TMPRSS11E: variants seen among roughly 807,000 people sequenced by gnomAD.
TMPRSS11E encodes transmembrane serine protease 11E, also known as transmembrane protease serine 11E.
TMPRSS11E carries 38 observed loss-of-function variants against 48.1 expected under a neutral mutation model. The ratio of observed to expected loss-of-function variants is 0.79; its 90% CI spans 0.61 to 1.04. The LOEUF is 1.04. Ranked by LOEUF, TMPRSS11E falls within the 50% of genes least tolerant of loss-of-function variation. The probability of loss-of-function intolerance (pLI) is 0.00; values close to 1 mark genes in which losing one functional copy is unlikely to be tolerated. For synonymous variants in TMPRSS11E, 158 were observed against 171.9 expected, an observed-to-expected ratio of 0.92 and a Z score of 0.63; for missense variants, 530 against 510.8, an observed-to-expected ratio of 1.04 and a Z score of -0.36.
At chr4:68,487,498 C>T (rs1729591700) in intron 9 of TMPRSS11E, among the ~76,000 whole-genome samples, 2 of 151,974 alleles carry the variant, frequency 1.3e-5, no homozygotes, top group South Asian at 4.2e-4. Flanking sequence ...GTGATCTGCC[C>T]ACCTCGGCCT....
chr4:68,465,911 T>A lies in TMPRSS11E; in HGVS notation c.137-720T>A, dbSNP rs568389324. On this transcript the variant is annotated intron_variant, in intron 2 of 9. Transcript: ENST00000305363. ...ACTGGAGGGTAGAGGAAAAGTTATATCACATTAACTTTTCAGCAGGTCAAA... is the reference window on the plus strand; with the variant it reads ...ACTGGAGGGTAGAGGAAAAGTTATAACACATTAACTTTTCAGCAGGTCAAA... Among the ~76,000 whole-genome samples the A allele has an allele frequency of 4.6e-5, 7 of 152,300 alleles. No homozygotes were observed. In the South Asian group the frequency reaches 1.2e-3, roughly 27 times the overall value.
At chr4:68,473,501 C>T (rs1292915268) in intron 5 of TMPRSS11E, among the ~76,000 whole-genome samples, 1 of 152,104 alleles carries the variant, frequency 6.6e-6, no homozygotes, top group African/African-American at 2.4e-5. Flanking sequence ...ATGATATATG[C>T]AAATGGAGTG....
At chr4:68,464,124 T>C (rs1450707136) in intron 2 of TMPRSS11E, among the ~76,000 whole-genome samples, 2 of 152,184 alleles carry the variant, frequency 1.3e-5, no homozygotes, top group Admixed American at 1.3e-4. Context: ...TAAACAGTGA[T>C]TGTTGTGATG....
chr4:68,495,360 C>T (rs1729836908), intron 9 of TMPRSS11E, among the ~76,000 whole-genome samples: 2 of 151,982 alleles, frequency 1.3e-5, no homozygotes, highest in African/African-American at 2.4e-5. Context: ...TTTGTTTTCT[C>T]TTGTATCTTC....
At chr4:68,492,319 GATC>G (rs761389839) in intron 9 of TMPRSS11E, among the ~76,000 whole-genome samples, 43 of 152,278 alleles carry the variant, frequency 2.8e-4, no homozygotes, top group Admixed American at 1.7e-3. Context: ...GCACTTTTAT[GATC>G]ATTCACAAGC....
Position 68,476,276 on chromosome 4 carries a change from GA to G in TMPRSS11E, c.547del (p.Ser183ValfsTer4). 6.2e-7 allele frequency: 1 copy of G among 1,614,098 alleles called. No individual in the cohort carries two copies. The highest frequency in any genetic ancestry group is 8.5e-7 in the Non-Finnish European group (1 of 1,179,992). On this transcript the variant is annotated frameshift_variant, in exon 7 of 10. Coordinates refer to ENST00000305363, the MANE Select transcript of TMPRSS11E (RefSeq NM_014058.4). LOFTEE classifies it high-confidence loss of function. ...TCTTTTGCAGGCTGCGGAACACGAA[GA>G]AGTAAAACTCTAGGTCAGAGTCTCA... ...SYLNHCCGTR[R>X]SKTLGQSLRI...
chr4:68,471,056 G>A (rs1729050169), intron 4 of TMPRSS11E, among the ~76,000 whole-genome samples: 1 of 151,804 alleles, frequency 6.6e-6, no homozygotes, highest in Non-Finnish European at 1.5e-5. Flanking sequence ...CCTTTTGATG[G>A]TAAGGGAGAC....
At chr4:68,486,953 TTTTG>T (rs1442288341) in intron 9 of TMPRSS11E, among the ~76,000 whole-genome samples, 1 of 152,180 alleles carries the variant, frequency 6.6e-6, no homozygotes, top group Non-Finnish European at 1.5e-5. Flanking sequence ...CCCTGTTCTT[TTTTG>T]TTTTTCATTT....
intron 5 of TMPRSS11E, 45 bp from the exon 6 acceptor site, chr4:68,474,678 T>C: frequency 6.3e-7 from 1 of 1,587,384 alleles, no homozygotes; most frequent in Non-Finnish European, 8.6e-7. Context: ...AGGCATAGTG[T>C]AACTCTGATG....
chr4:68,451,088 C>A (rs1393817309), intron 1 of TMPRSS11E, among the ~76,000 whole-genome samples: 1 of 151,734 alleles, frequency 6.6e-6, no homozygotes. Flanking sequence ...TATAAGCATG[C>A]CTGATGGTTT....
chr4:68,464,516 T>C (rs1276493014), intron 2 of TMPRSS11E, among the ~76,000 whole-genome samples: 8 of 152,216 alleles, frequency 5.3e-5, no homozygotes, highest in Admixed American at 1.3e-4. Context: ...TCCTTATTTT[T>C]AACTTTTCTG....
At chr4:68,492,507 G>T (rs1344341581) in intron 9 of TMPRSS11E, among the ~76,000 whole-genome samples, 3 of 152,130 alleles carry the variant, frequency 2.0e-5, no homozygotes, top group African/African-American at 7.2e-5. Flanking sequence ...CGATTTTGCT[G>T]TTTAAAATAG....
Position 68,496,834 on chromosome 4 carries a change from T to A in TMPRSS11E, c.*30T>A, listed in dbSNP as rs750298186. ...GAAAAGCCTCATGGAACAGATAACA[T>A]TTTTTTTTGTTTTTTGGGTGTGGAG... On this transcript the variant is annotated 3_prime_UTR_variant, in exon 10 of 10. Coordinates refer to ENST00000305363, the MANE Select transcript of TMPRSS11E (RefSeq NM_014058.4). The A allele has an allele frequency of 4.1e-6, 6 of 1,462,790 alleles. No homozygotes were observed. In the East Asian group the frequency reaches 1.5e-4, roughly 36 times the overall value. 90.6% of individuals were successfully genotyped at this position (1,462,790 alleles called of 1,614,324 possible).
At chr4:68,483,884 G>T (rs2708688) in intron 9 of TMPRSS11E, among the ~76,000 whole-genome samples, 45,143 of 152,108 alleles carry the variant, frequency 0.3, 7,384 homozygotes, top group Non-Finnish European at 0.37. Context: ...CATTTATTGA[G>T]TAGGGAGTCC....
intron 5 of TMPRSS11E, among the ~76,000 whole-genome samples, chr4:68,473,280 T>C (rs1430438185): frequency 1.3e-5 from 2 of 152,096 alleles, no homozygotes; most frequent in African/African-American, 4.8e-5. Context: ...GGATCTGTTG[T>C]TCATTTGTGT....
At position 68,447,522 on chromosome 4, in the gene TMPRSS11E, C is replaced by A. The variant is rs373417678; in HGVS notation, c.10C>A (p.Arg4=). Reference sequence around the variant, plus strand: ...TCATTGCTGGTTGGCAATGATGTATCGGTGAGTTAGTTCCCTTTTTCTTTC... The same window carrying A: ...TCATTGCTGGTTGGCAATGATGTATAGGTGAGTTAGTTCCCTTTTTCTTTC... MMY[R]PDVVRARKRV... The change falls in exon 1 of 10, where the codon CGG becomes AGG. Residue 4 remains arginine, a splice_region_variant and synonymous_variant. Transcript: ENST00000305363. The A allele has an allele frequency of 2.5e-6, 4 of 1,608,662 alleles. No individual in the cohort carries two copies. The Admixed American group carries it at 5.0e-5, about 20-fold the overall frequency.
At chr4:68,466,534 C>T (rs1728930594) in intron 2 of TMPRSS11E, 97 bp from the exon 3 acceptor site, 1 of 1,321,824 alleles carries the variant, frequency 7.6e-7, no homozygotes, top group Non-Finnish European at 1.1e-6. Flanking sequence ...GCATTCCTTC[C>T]TGTTTCAGTC....
intron 5 of TMPRSS11E, 100 bp downstream of exon 5, chr4:68,471,723 G>A: frequency 1.2e-6 from 1 of 836,730 alleles, no homozygotes; most frequent in East Asian, 2.9e-5. Context: ...TTTAATTCTG[G>A]GGTCTTGCCA....
intron 9 of TMPRSS11E, among the ~76,000 whole-genome samples, chr4:68,484,532 T>G (rs1729498260): frequency 6.6e-6 from 1 of 152,162 alleles, no homozygotes; most frequent in Non-Finnish European, 1.5e-5. Context: ...GGTCTTGAAC[T>G]CCTGAGCTCA....
Sources: gnomAD v4.1 joint callset for allele counts (sites outside exome capture counted in the v4.1 genomes callset) on GRCh38, gnomAD v4.1.1 for gene constraint, MANE v1.5 for transcripts, NCBI Gene and HGNC (gene_info 2026-07-23, HGNC 2026-07-21) for gene names.